The following PLCB1 variants were observed in gnomAD, a reference collection of about 807,000 sequenced individuals.
PLCB1 encodes the protein 1-phosphatidylinositol 4,5-bisphosphate phosphodiesterase beta-1.
PLCB1 carries 46 observed loss-of-function variants against 161.8 expected under a neutral mutation model. The ratio of observed to expected loss-of-function variants is 0.28; its 90% CI spans 0.22 to 0.36. PLCB1 has a LOEUF of 0.36. Among genes scored for constraint, PLCB1 ranks in the 10% least tolerant of loss-of-function variants. The pLI is 1.00. For missense variants in PLCB1, 1,016 were observed against 1,472.5 expected, an observed-to-expected ratio of 0.69 and a Z score of 5.07; for synonymous variants, 517 against 503.7, an observed-to-expected ratio of 1.03 and a Z score of -0.35.
At chr20:8,814,681 G>A (rs1354120747) in intron 31 of PLCB1, among the ~76,000 whole-genome samples, 1 of 151,994 alleles carries the variant, frequency 6.6e-6, no homozygotes, top group Non-Finnish European at 1.5e-5. Flanking sequence ...GCTTATGTTG[G>A]TACTTTTATT....
chr20:8,538,795 C>CTTTT (rs3032826), intron 3 of PLCB1, among the ~76,000 whole-genome samples: 2 of 141,650 alleles, frequency 1.4e-5, no homozygotes, highest in East Asian at 2.1e-4. Context: ...TTACAGCTAA[C>CTTTT]TTTTTTTTTT....
chr20:8,399,017 C>T (rs1978424108), intron 3 of PLCB1, among the ~76,000 whole-genome samples: 1 of 149,902 alleles, frequency 6.7e-6, no homozygotes, highest in African/African-American at 2.4e-5. Context: ...TTGCTTTTGG[C>T]ATTTGAGTCA....
chr20:8,833,552 G>A (rs1311386403), intron 31 of PLCB1, among the ~76,000 whole-genome samples: 2 of 152,108 alleles, frequency 1.3e-5, no homozygotes, highest in African/African-American at 4.8e-5. Flanking sequence ...GAAAGAAGAG[G>A]AGGAGGAGGC....
intron 3 of PLCB1, among the ~76,000 whole-genome samples, chr20:8,579,155 C>G (rs1986760867): frequency 6.6e-6 from 1 of 152,222 alleles, no homozygotes; most frequent in Non-Finnish European, 1.5e-5. Flanking sequence ...TAATTGCCTT[C>G]TACTCAGCAA....
intron 3 of PLCB1, among the ~76,000 whole-genome samples, chr20:8,543,937 TC>T (rs1420640711): frequency 6.6e-6 from 1 of 152,212 alleles, no homozygotes; most frequent in East Asian, 1.9e-4. Flanking sequence ...TAAACCTCTT[TC>T]CTTTATAAAT....
At chr20:8,801,265 T>C (rs6056127) in intron 31 of PLCB1, among the ~76,000 whole-genome samples, 10,874 of 152,206 alleles carry the variant, frequency 0.071, 942 homozygotes, top group South Asian at 0.2. Flanking sequence ...GTCTTTCAAA[T>C]GTTTGCTCAA....
At chr20:8,437,185 G>A (rs1013380669) in intron 3 of PLCB1, among the ~76,000 whole-genome samples, 2 of 152,128 alleles carry the variant, frequency 1.3e-5, no homozygotes, top group African/African-American at 4.8e-5. Context: ...AACCATGCAG[G>A]CTGGAGTTAC....
At chr20:8,296,429 A>G (rs1340571107) in intron 2 of PLCB1, among the ~76,000 whole-genome samples, 1 of 152,164 alleles carries the variant, frequency 6.6e-6, no homozygotes, top group African/African-American at 2.4e-5. Flanking sequence ...AACAAGGACA[A>G]GTATATGCCC....
At chr20:8,523,959 TTAAC>T (rs1192200014) in intron 3 of PLCB1, among the ~76,000 whole-genome samples, 3 of 152,258 alleles carry the variant, frequency 2.0e-5, no homozygotes, top group Non-Finnish European at 2.9e-5. Flanking sequence ...AAATTTCACA[TTAAC>T]TAATTAATTA....
chr20:8,738,822 A>G (rs907078311), intron 20 of PLCB1, among the ~76,000 whole-genome samples: 2 of 152,174 alleles, frequency 1.3e-5, no homozygotes, highest in Admixed American at 1.3e-4. Flanking sequence ...CTTTTTGTCT[A>G]AAGTAGCTAA....
intron 3 of PLCB1, among the ~76,000 whole-genome samples, chr20:8,460,291 G>T (rs150394414): frequency 2.9e-4 from 44 of 152,242 alleles, no homozygotes; most frequent in South Asian, 6.2e-4. Flanking sequence ...TCATCTAAGA[G>T]CTGGGAAGCC....
chr20:8,174,464 T>C (rs1347995845), intron 2 of PLCB1, among the ~76,000 whole-genome samples: 1 of 152,118 alleles, frequency 6.6e-6, no homozygotes, highest in Non-Finnish European at 1.5e-5. Flanking sequence ...GATTGACTAA[T>C]GGAATTTTAT....
rs770818913 is a variant in PLCB1 at position 8,132,800 on chromosome 20, G to C, written c.99+50G>C. 5.8e-6 allele frequency: 8 copies of C among 1,388,760 alleles called. No homozygotes were observed. The South Asian group carries it at 9.5e-5, about 16-fold the overall frequency. The allele number at this position is 1,388,760 out of a possible 1,614,324, so 86.0% of individuals were successfully genotyped here. A position where few individuals can be genotyped will look rare whatever the true frequency, so the allele number is the denominator to read the frequency against. Reference sequence around the variant, plus strand: ...GGGGCGCTGGCTCGGGCACCGGGCAGGGCGGGCGTCGTGGGGGTGGGGCAA... The same window carrying C: ...GGGGCGCTGGCTCGGGCACCGGGCACGGCGGGCGTCGTGGGGGTGGGGCAA... On this transcript the variant is annotated intron_variant, in intron 1 of 31. Coordinates refer to ENST00000338037, the MANE Select transcript of PLCB1 (RefSeq NM_015192.4). The surrounding 1 kb of genome is among the most constrained non-coding windows in gnomAD (Gnocchi z 5.2).
chr20:8,259,762 T>C (rs1981601888), intron 2 of PLCB1, among the ~76,000 whole-genome samples: 1 of 152,220 alleles, frequency 6.6e-6, no homozygotes, highest in African/African-American at 2.4e-5. Flanking sequence ...ATTTTAAAAA[T>C]AATTTTCAGA....
intron 7 of PLCB1, chr20:8,651,431 G>T: frequency 2.8e-6 from 2 of 725,484 alleles, no homozygotes; most frequent in Non-Finnish European, 5.1e-6. Context: ...AGCTAATGAG[G>T]CTGCGAAAAG....
intron 3 of PLCB1, among the ~76,000 whole-genome samples, chr20:8,425,991 A>G (rs918576306): frequency 6.6e-6 from 1 of 151,954 alleles, no homozygotes; most frequent in African/African-American, 2.4e-5. Flanking sequence ...GCTTAAGCTC[A>G]CCCCTCTTTC....
In PLCB1 at chr20:8,545,349, A is replaced by G. The variant is rs112011209; in HGVS notation, c.247-82945A>G. On this transcript the variant is annotated intron_variant, in intron 3 of 31. Transcript: ENST00000338037. ...AAGAAGGTTAATTGAAGACAGGACC[A>G]TGGAAGGTTTTCCATGCTAGCCTTT... Among the ~76,000 whole-genome samples the G allele has an allele frequency of 5.7e-3, 870 of 152,342 alleles. 4 individuals are homozygous for G. Among genetic ancestry groups the G allele is most frequent in the African/African-American group, 0.02 (819 of 41,576 alleles).
intron 3 of PLCB1, among the ~76,000 whole-genome samples, chr20:8,573,513 T>C (rs1293323857): frequency 6.6e-6 from 1 of 152,220 alleles, no homozygotes; most frequent in Non-Finnish European, 1.5e-5. Flanking sequence ...CATGAGTGTT[T>C]AGTATATACA....
intron 2 of PLCB1, among the ~76,000 whole-genome samples, chr20:8,272,132 T>C (rs1568613059): frequency 6.6e-6 from 1 of 151,868 alleles, no homozygotes; most frequent in Non-Finnish European, 1.5e-5. Context: ...TAGATATGGG[T>C]GGAGGGAAAG....
Sources: allele counts gnomAD v4.1 joint callset (sites outside exome capture counted in the v4.1 genomes callset), GRCh38; gene constraint gnomAD v4.1.1; non-coding constraint Gnocchi (gnomAD v3.1); transcripts MANE v1.5; gene names NCBI Gene and HGNC (gene_info 2026-07-23, HGNC 2026-07-21).